The following XKR4 variants were observed in gnomAD, a reference collection of about 807,000 sequenced individuals.
XKR4 encodes XK related 4.
A neutral mutation model predicts 53.9 loss-of-function variants in XKR4; 12 were observed. The observed-to-expected ratio is 0.22, with a 90% CI of 0.14 to 0.36. XKR4 has a LOEUF of 0.36. XKR4 is among the 10% of genes least tolerant of loss of function. XKR4 has a pLI of 1.00. For missense variants in XKR4, 799 were observed against 859.5 expected, an observed-to-expected ratio of 0.93 and a Z score of 0.88; for synonymous variants, 354 against 362.4, an observed-to-expected ratio of 0.98 and a Z score of 0.26.
intron 1 of XKR4, among the ~76,000 whole-genome samples, chr8:55,111,513 T>G (rs1816229887): frequency 6.6e-6 from 1 of 152,216 alleles, no homozygotes; most frequent in African/African-American, 2.4e-5. Context: ...TCCCAGGAAC[T>G]GGCATGGTTC....
chr8:55,122,785 A>C (rs1001140498), intron 1 of XKR4, among the ~76,000 whole-genome samples: 2 of 152,246 alleles, frequency 1.3e-5, no homozygotes, highest in Non-Finnish European at 2.9e-5. Context: ...ACTTGCAGCA[A>C]AGTGCCTGCC....
At chr8:55,310,974 T>A (rs1819379455) in intron 1 of XKR4, among the ~76,000 whole-genome samples, 2 of 152,138 alleles carry the variant, frequency 1.3e-5, no homozygotes, top group South Asian at 4.1e-4. Context: ...GGAACTAGGG[T>A]GCTTATATCC....
At chr8:55,324,208 A>C (rs1447733750) in intron 1 of XKR4, among the ~76,000 whole-genome samples, 1 of 151,950 alleles carries the variant, frequency 6.6e-6, no homozygotes, top group Non-Finnish European at 1.5e-5. Context: ...CAATCCTCCC[A>C]CCTCAGCCTC....
At chr8:55,115,279 T>C (rs1184197498) in intron 1 of XKR4, among the ~76,000 whole-genome samples, 1 of 152,118 alleles carries the variant, frequency 6.6e-6, no homozygotes, top group Non-Finnish European at 1.5e-5. Flanking sequence ...CTCCAGATAT[T>C]TGTAACTGGC....
chr8:55,152,027 T>C (rs1816846785), intron 1 of XKR4, among the ~76,000 whole-genome samples: 1 of 152,190 alleles, frequency 6.6e-6, no homozygotes, highest in South Asian at 2.1e-4. Context: ...TTAAGGCTTC[T>C]GATTTATAAT....
intron 1 of XKR4, among the ~76,000 whole-genome samples, chr8:55,128,416 G>C (rs1248467058): frequency 6.6e-6 from 1 of 152,180 alleles, no homozygotes; most frequent in African/African-American, 2.4e-5. Context: ...AGAGGTAACT[G>C]AAGACACTCA....
intron 2 of XKR4, among the ~76,000 whole-genome samples, chr8:55,498,661 T>C (rs1282929599): frequency 1.3e-5 from 2 of 152,158 alleles, no homozygotes; most frequent in Non-Finnish European, 2.9e-5. Flanking sequence ...TAGTCCCAGC[T>C]ACTCAGGCGG....
Position 55,102,385 on chromosome 8 carries a change from C to T in XKR4, c.-104C>T. On this transcript the variant is annotated 5_prime_UTR_variant, in exon 1 of 3. Transcript: ENST00000327381. This position sits in a 1 kb window ranked among gnomAD's most constrained non-coding sequence, Gnocchi z 5.1. ...AGGAGCAGGAGGAGGGGGAGCCGCA[C>T]CGCCTGGGAGGGAAGCCGGGGCGAG... 7.5e-7 allele frequency: 1 copy of T among 1,333,000 alleles called. No homozygotes were observed. 82.6% of individuals were successfully genotyped at this position (1,333,000 alleles called of 1,614,324 possible). A position where few individuals can be genotyped will look rare whatever the true frequency, so the allele number is the denominator to read the frequency against.
chr8:55,441,658 C>A (rs2129394929), intron 2 of XKR4, among the ~76,000 whole-genome samples: 1 of 152,208 alleles, frequency 6.6e-6, no homozygotes, highest in Non-Finnish European at 1.5e-5. Flanking sequence ...AGATACATTT[C>A]TTTGACTACA....
At chr8:55,133,340 A>C (rs1231753925) in intron 1 of XKR4, among the ~76,000 whole-genome samples, 3 of 152,238 alleles carry the variant, frequency 2.0e-5, no homozygotes, top group Non-Finnish European at 4.4e-5. Flanking sequence ...CTCATCTTGC[A>C]CAGGAATGTG....
intron 2 of XKR4, among the ~76,000 whole-genome samples, chr8:55,378,331 T>C (rs1401721486): frequency 9.9e-5 from 15 of 152,232 alleles, no homozygotes; most frequent in Non-Finnish European, 2.2e-4. Flanking sequence ...CAGTGGCTAA[T>C]AACGTGCAAA....
intron 1 of XKR4, chr8:55,135,232 A>G (rs1816609140): frequency 6.2e-6 from 1 of 160,694 alleles, no homozygotes; most frequent in Non-Finnish European, 1.4e-5. Flanking sequence ...TATATTCTAA[A>G]TTGAATATAT....
At chr8:55,209,055 A>G (rs1341026952) in intron 1 of XKR4, among the ~76,000 whole-genome samples, 6 of 152,058 alleles carry the variant, frequency 3.9e-5, no homozygotes, top group Non-Finnish European at 8.8e-5. Flanking sequence ...TTCCCAAAAG[A>G]TCTCCTGTGG....
At chr8:55,109,835 T>A (rs1490137898) in intron 1 of XKR4, among the ~76,000 whole-genome samples, 1 of 152,202 alleles carries the variant, frequency 6.6e-6, no homozygotes, top group East Asian at 1.9e-4. Context: ...TTTGAAAGTC[T>A]TTGCTCAATC....
At position 55,102,869 on chromosome 8, in the gene XKR4, C is replaced by T; in HGVS notation, c.381C>T (p.Gly127=). 1 of 1,612,122 alleles carries T rather than the reference C, an allele frequency of 6.2e-7. No individual in the cohort carries two copies. The change falls in exon 1 of 3, where the codon GGC becomes GGT. Residue 127 remains glycine, a synonymous_variant. Coordinates refer to ENST00000327381, the MANE Select transcript of XKR4 (RefSeq NM_052898.2). This position sits in a 1 kb window ranked among gnomAD's most constrained non-coding sequence, Gnocchi z 5.1. ...AAVAVYFADV[G]TDVWLAVDYY... ...TGGCCGTGTACTTCGCGGACGTGGGCACAGACGTCTGGCTCGCCGTGGACT... is the reference window on the plus strand; with the variant it reads ...TGGCCGTGTACTTCGCGGACGTGGGTACAGACGTCTGGCTCGCCGTGGACT...
chr8:55,155,534 T>C (rs1816895094), intron 1 of XKR4, among the ~76,000 whole-genome samples: 1 of 148,678 alleles, frequency 6.7e-6, no homozygotes, highest in African/African-American at 2.5e-5. Flanking sequence ...CTTGGGAATT[T>C]AAGATAAGGT....
Position 55,241,713 on chromosome 8 carries a change from G to A in XKR4, c.807-115965G>A, listed in dbSNP as rs1361337893. Among the ~76,000 whole-genome samples the A allele has an allele frequency of 3.9e-5, 6 of 152,290 alleles. No individual in the cohort carries two copies. In the East Asian group the frequency reaches 9.6e-4, roughly 24 times the overall value. The stretch of plus-strand genomic sequence containing the variant: ...ATTTCTCATATATGGCTTAAGGAAT[G>A]TGATGTGAATACCTTTCCTTCCTGC... On this transcript the variant is annotated intron_variant, in intron 1 of 2. Transcript: ENST00000327381.
At chr8:55,285,453 AGAATT>A (rs1818895286) in intron 1 of XKR4, among the ~76,000 whole-genome samples, 1 of 152,190 alleles carries the variant, frequency 6.6e-6, no homozygotes, top group African/African-American at 2.4e-5. Context: ...GAATGAATGA[AGAATT>A]GAATTAATGA....
intron 2 of XKR4, among the ~76,000 whole-genome samples, chr8:55,364,402 C>G (rs867952714): frequency 6.6e-6 from 1 of 152,226 alleles, no homozygotes; most frequent in Admixed American, 6.5e-5. Flanking sequence ...TCCTCTCCAG[C>G]TCTGCTCAGG....
Sources: allele counts gnomAD v4.1 joint callset (sites outside exome capture counted in the v4.1 genomes callset), GRCh38; gene constraint gnomAD v4.1.1; non-coding constraint Gnocchi (gnomAD v3.1); transcripts MANE v1.5; gene names NCBI Gene and HGNC (gene_info 2026-07-23, HGNC 2026-07-21).